Variants in ARHGAP15 observed in about 807,000 individuals in gnomAD.
ARHGAP15 encodes the protein rho GTPase-activating protein 15.
A neutral mutation model predicts 63.7 loss-of-function variants in ARHGAP15; 51 were observed. The observed-to-expected ratio is 0.80, with a 90% CI of 0.64 to 1.01. The LOEUF is 1.01. Among genes scored for constraint, ARHGAP15 ranks in the 50% least tolerant of loss-of-function variants. The pLI, the probability that ARHGAP15 is intolerant of heterozygous loss-of-function variation, is 0.00. For missense variants in ARHGAP15, 560 were observed against 564.6 expected, an observed-to-expected ratio of 0.99 and a Z score of 0.08; for synonymous variants, 191 against 193.8, an observed-to-expected ratio of 0.99 and a Z score of 0.12.
chr2:143,439,533 T>TA (rs142266728), intron 8 of ARHGAP15, among the ~76,000 whole-genome samples: 129,305 of 148,078 alleles, frequency 0.87, 56,781 homozygotes, highest in Middle Eastern at 0.95. Context: ...ACTTTGAAGT[T>TA]AAAAAAAAAC....
At chr2:143,472,816 C>T (rs890556741) in intron 8 of ARHGAP15, among the ~76,000 whole-genome samples, 34 of 152,110 alleles carry the variant, frequency 2.2e-4, no homozygotes, top group Admixed American at 2.0e-3. Context: ...GCACCAAGAT[C>T]TTTTTATCCT....
intron 9 of ARHGAP15, among the ~76,000 whole-genome samples, chr2:143,508,490 C>G (rs2104951761): frequency 1.3e-5 from 2 of 152,338 alleles, no homozygotes; most frequent in South Asian, 4.1e-4. Flanking sequence ...TTTCACTACT[C>G]CATCCCCAGT....
intron 6 of ARHGAP15, among the ~76,000 whole-genome samples, chr2:143,355,539 A>G (rs1276316811): frequency 6.6e-6 from 1 of 152,176 alleles, no homozygotes; most frequent in East Asian, 1.9e-4. Flanking sequence ...TGTCCATGAT[A>G]TTACCAATCA....
chr2:143,440,733 A>G (rs1294460308), intron 8 of ARHGAP15, among the ~76,000 whole-genome samples: 1 of 152,190 alleles, frequency 6.6e-6, no homozygotes, highest in Non-Finnish European at 1.5e-5. Flanking sequence ...AGTCTAACAG[A>G]CAAGAAGCCA....
intron 12 of ARHGAP15, among the ~76,000 whole-genome samples, chr2:143,664,480 T>C (rs964312157): frequency 1.3e-5 from 2 of 151,902 alleles, no homozygotes; most frequent in Non-Finnish European, 2.9e-5. Flanking sequence ...GATCCAAAAT[T>C]GGCACCCTAA....
At chr2:143,730,746 T>C (rs1345026825) in intron 13 of ARHGAP15, among the ~76,000 whole-genome samples, 1 of 152,108 alleles carries the variant, frequency 6.6e-6, no homozygotes, top group African/African-American at 2.4e-5. Context: ...TTTAAAAATG[T>C]AACTGTTGAG....
At chr2:143,470,143 A>G (rs1691447241) in intron 8 of ARHGAP15, among the ~76,000 whole-genome samples, 1 of 77,508 alleles carries the variant, frequency 1.3e-5, no homozygotes, top group African/African-American at 4.9e-5. Context: ...ATGGATGTAT[A>G]AGTATCCTTA....
At chr2:143,690,130 G>T (rs1217154250) in intron 12 of ARHGAP15, among the ~76,000 whole-genome samples, 2 of 152,196 alleles carry the variant, frequency 1.3e-5, no homozygotes, top group Non-Finnish European at 2.9e-5. Flanking sequence ...TTTCAGGAAG[G>T]CAGACTCTCT....
chr2:143,568,067 C>G (rs1023359074), intron 11 of ARHGAP15, among the ~76,000 whole-genome samples: 3 of 152,078 alleles, frequency 2.0e-5, no homozygotes, highest in Non-Finnish European at 4.4e-5. Flanking sequence ...CATAAAAACC[C>G]TAGAAGAAAA....
intron 2 of ARHGAP15, among the ~76,000 whole-genome samples, chr2:143,167,672 G>A (rs1198280954): frequency 6.6e-6 from 1 of 151,902 alleles, no homozygotes; most frequent in Non-Finnish European, 1.5e-5. Flanking sequence ...ATGCTTCAGA[G>A]GCCTGTTTCA....
At chr2:143,302,719 C>A (rs1682962213) in intron 6 of ARHGAP15, among the ~76,000 whole-genome samples, 1 of 151,962 alleles carries the variant, frequency 6.6e-6, no homozygotes, top group South Asian at 2.1e-4. Context: ...CATATCTATT[C>A]CCTTCATGTG....
intron 13 of ARHGAP15, among the ~76,000 whole-genome samples, chr2:143,763,321 G>A (rs1456360923): frequency 1.3e-5 from 2 of 152,060 alleles, no homozygotes; most frequent in African/African-American, 2.4e-5. Context: ...TAGGGAATAC[G>A]TAAGCTTCCA....
chr2:143,587,058 A>G (rs1697136539), intron 11 of ARHGAP15, among the ~76,000 whole-genome samples: 1 of 152,132 alleles, frequency 6.6e-6, no homozygotes, highest in Admixed American at 6.6e-5. Context: ...GGAATGGACA[A>G]TAAAATGATT....
At chr2:143,738,103 T>TATATA (rs1553535484) in intron 13 of ARHGAP15, among the ~76,000 whole-genome samples, 3 of 151,468 alleles carry the variant, frequency 2.0e-5, no homozygotes, top group Admixed American at 6.6e-5. Context: ...CATATATATA[T>TATATA]TTTTTAACTT....
intron 6 of ARHGAP15, among the ~76,000 whole-genome samples, chr2:143,321,396 C>T (rs1380657023): frequency 6.6e-6 from 1 of 152,196 alleles, no homozygotes; most frequent in African/African-American, 2.4e-5. Context: ...TATTTATAAA[C>T]AGTTTTGCTC....
chr2:143,546,243 A>G (rs376587570), intron 10 of ARHGAP15, among the ~76,000 whole-genome samples: 1 of 151,566 alleles, frequency 6.6e-6, no homozygotes. Flanking sequence ...TTTAGATGTT[A>G]AAAAAAATAC....
chr2:143,346,182 TCACA>T (rs1182995553), intron 6 of ARHGAP15, among the ~76,000 whole-genome samples: 1 of 127,752 alleles, frequency 7.8e-6, no homozygotes, highest in Non-Finnish European at 1.7e-5. Context: ...ACTCTCTCTC[TCACA>T]CACACACTCT....
chr2:143,219,761 T>C (rs1574107929), intron 4 of ARHGAP15, among the ~76,000 whole-genome samples: 1 of 152,378 alleles, frequency 6.6e-6, no homozygotes, highest in African/African-American at 2.4e-5. Flanking sequence ...CCATAGAACA[T>C]TACCTTAATG....
At chr2:143,132,291 C>A (rs1688944217) in intron 1 of ARHGAP15, among the ~76,000 whole-genome samples, 1 of 152,160 alleles carries the variant, frequency 6.6e-6, no homozygotes. Flanking sequence ...AAGAGATATT[C>A]TTTTATGTGT....
Sources: allele counts gnomAD v4.1 joint callset (sites outside exome capture counted in the v4.1 genomes callset), GRCh38; gene constraint gnomAD v4.1.1; transcripts MANE v1.5; gene names NCBI Gene and HGNC (gene_info 2026-07-23, HGNC 2026-07-21).